The following SEMA3E variants were observed in gnomAD, a reference collection of about 807,000 sequenced individuals.
SEMA3E encodes semaphorin-3E.
SEMA3E carries 49 observed loss-of-function variants against 93.6 expected under a neutral mutation model. The observed-to-expected ratio is 0.52, with a 90% CI of 0.42 to 0.66. The LOEUF (loss-of-function observed/expected upper bound fraction) is 0.66. Among genes scored for constraint, SEMA3E ranks in the 30% least tolerant of loss-of-function variants. The pLI, the probability that SEMA3E is intolerant of heterozygous loss-of-function variation, is 0.00. For synonymous variants in SEMA3E, 363 were observed against 330.7 expected (o/e 1.10, Z -1.06); for missense variants, 906 against 964.8 (o/e 0.94, Z 0.81).
At chr7:83,460,619 C>T (rs1406541060) in intron 4 of SEMA3E, among the ~76,000 whole-genome samples, 3 of 148,808 alleles carry the variant, frequency 2.0e-5, no homozygotes, top group Non-Finnish European at 3.0e-5. Flanking sequence ...TGTCTCTACC[C>T]CTTCTCTGCT....
At chr7:83,381,129 A>ACAAC (rs1787769365) in intron 16 of SEMA3E, among the ~76,000 whole-genome samples, 1 of 152,012 alleles carries the variant, frequency 6.6e-6, no homozygotes, top group Non-Finnish European at 1.5e-5. Context: ...GATCTTTTTA[A>ACAAC]ATACAAATGT....
chr7:83,487,510 T>A (rs1469035004), intron 2 of SEMA3E, among the ~76,000 whole-genome samples: 1 of 151,974 alleles, frequency 6.6e-6, no homozygotes, highest in Non-Finnish European at 1.5e-5. Flanking sequence ...CTAGATTAGA[T>A]ACTCCTTCAC....
At chr7:83,396,934 T>C (rs74572577) in intron 11 of SEMA3E, among the ~76,000 whole-genome samples, 1 of 151,794 alleles carries the variant, frequency 6.6e-6, no homozygotes, top group Non-Finnish European at 1.5e-5. Context: ...CAAAAAAAAT[T>C]AGCCAGGCAT....
chr7:83,578,978 T>G (rs1236893597), intron 1 of SEMA3E, among the ~76,000 whole-genome samples: 1 of 152,182 alleles, frequency 6.6e-6, no homozygotes, highest in Admixed American at 6.5e-5. Flanking sequence ...CAGAAATATA[T>G]AGAAATTAAA....
intron 1 of SEMA3E, among the ~76,000 whole-genome samples, chr7:83,648,095 T>G (rs566786282): frequency 6.6e-6 from 1 of 152,302 alleles, no homozygotes; most frequent in Admixed American, 6.5e-5. Flanking sequence ...CTTGGTGGAT[T>G]CAGCCTCTCA....
rs183514894 is a variant in SEMA3E at position 83,366,513 on chromosome 7, G to A, written c.*1073C>T. Reference sequence around the variant, plus strand: ...AATATTTTTTTCACAAATAAAACACGGTTGTTATAGTATATTTTAGATTTC... The same window carrying A: ...AATATTTTTTTCACAAATAAAACACAGTTGTTATAGTATATTTTAGATTTC... On this transcript the variant is annotated 3_prime_UTR_variant, in exon 17 of 17. Coordinates refer to ENST00000643230, the MANE Select transcript of SEMA3E (RefSeq NM_012431.3). 12 of 151,882 alleles carry A rather than the reference G, an allele frequency of 7.9e-5. No homozygotes were observed. Among genetic ancestry groups the A allele is most frequent in the African/African-American group, 1.9e-4 (8 of 41,474 alleles). The allele number at this position is 151,882 out of a possible 1,614,324, so 9.4% of individuals were successfully genotyped here.
chr7:83,620,005 G>A (rs151053551), intron 1 of SEMA3E, among the ~76,000 whole-genome samples: 1 of 151,742 alleles, frequency 6.6e-6, no homozygotes, highest in Non-Finnish European at 1.5e-5. Flanking sequence ...CATTTAGTAG[G>A]TAATCAATAA....
At chr7:83,434,271 T>C (rs1788951403) in intron 4 of SEMA3E, among the ~76,000 whole-genome samples, 1 of 152,160 alleles carries the variant, frequency 6.6e-6, no homozygotes, top group African/African-American at 2.4e-5. Context: ...GAAAACAACT[T>C]TATTAAACTG....
chr7:83,570,082 C>G (rs1324570633), intron 1 of SEMA3E, among the ~76,000 whole-genome samples: 5 of 152,202 alleles, frequency 3.3e-5, no homozygotes, highest in Middle Eastern at 3.4e-3. Flanking sequence ...CACAACTACA[C>G]AAAAACATGG....
intron 4 of SEMA3E, among the ~76,000 whole-genome samples, chr7:83,465,201 G>A (rs1414517427): frequency 1.3e-5 from 2 of 151,612 alleles, no homozygotes; most frequent in African/African-American, 4.9e-5. Flanking sequence ...CTGCCCACCA[G>A]AGAACAAACC....
chr7:83,529,227 C>T (rs1444528843), intron 1 of SEMA3E, among the ~76,000 whole-genome samples: 2 of 152,106 alleles, frequency 1.3e-5, no homozygotes, highest in Admixed American at 6.5e-5. Flanking sequence ...AGCACTCTAA[C>T]TTGGCATGCA....
rs773392161 is a variant in SEMA3E, at chr7:83,367,573, T to C, written c.*13A>G. ...TATAAATTCTTCAAAAGACAGTAGA[T>C]AGTCTCACCCCATCAGGAGTCCAGC... On this transcript the variant is annotated 3_prime_UTR_variant, in exon 17 of 17. Transcript: ENST00000643230. The C allele has an allele frequency of 2.5e-6, 4 of 1,612,740 alleles. No individual in the cohort carries two copies. Among genetic ancestry groups the C allele is most frequent in the Admixed American group, 3.3e-5 (2 of 59,994 alleles).
chr7:83,500,423 G>A (rs1444119880), intron 1 of SEMA3E, among the ~76,000 whole-genome samples: 4 of 152,066 alleles, frequency 2.6e-5, no homozygotes, highest in Admixed American at 1.3e-4. Flanking sequence ...GCGACAGAGC[G>A]AGACTCCGTC....
At chr7:83,458,693 G>A (rs916158591) in intron 4 of SEMA3E, among the ~76,000 whole-genome samples, 2 of 151,758 alleles carry the variant, frequency 1.3e-5, no homozygotes, top group Admixed American at 6.6e-5. Flanking sequence ...GAGCTTAGTA[G>A]CACATTGGAG....
chr7:83,515,739 G>C (rs989830119), intron 1 of SEMA3E, among the ~76,000 whole-genome samples: 1 of 152,118 alleles, frequency 6.6e-6, no homozygotes, highest in Non-Finnish European at 1.5e-5. Flanking sequence ...CAAAACAGCT[G>C]GTTGTTCGAG....
intron 4 of SEMA3E, among the ~76,000 whole-genome samples, chr7:83,455,550 C>T (rs1274219561): frequency 6.6e-6 from 1 of 152,170 alleles, no homozygotes; most frequent in Non-Finnish European, 1.5e-5. Flanking sequence ...GTTCAAGAAT[C>T]CCACTCTCAA....
chr7:83,541,193 C>T (rs188211504), intron 1 of SEMA3E, among the ~76,000 whole-genome samples: 68 of 152,282 alleles, frequency 4.5e-4, no homozygotes, highest in African/African-American at 1.4e-3. Flanking sequence ...TTTCACATAT[C>T]GTACTGACTT....
At chr7:83,534,324 T>C (rs1386504864) in intron 1 of SEMA3E, among the ~76,000 whole-genome samples, 1 of 152,198 alleles carries the variant, frequency 6.6e-6, no homozygotes, top group African/African-American at 2.4e-5. Flanking sequence ...TTGATTCCCA[T>C]GTGTAGATAA....
At chr7:83,381,098 T>C (rs1400857803) in intron 16 of SEMA3E, among the ~76,000 whole-genome samples, 2 of 151,992 alleles carry the variant, frequency 1.3e-5, no homozygotes, top group East Asian at 3.9e-4. Context: ...CATACTATAA[T>C]CTTAATACAA....
Sources: gnomAD v4.1 joint callset for allele counts (sites outside exome capture counted in the v4.1 genomes callset) on GRCh38, gnomAD v4.1.1 for gene constraint, MANE v1.5 for transcripts, NCBI Gene and HGNC (gene_info 2026-07-23, HGNC 2026-07-21) for gene names.